The following ARHGAP32 variants were observed in gnomAD, a reference collection of about 807,000 sequenced individuals.
ARHGAP32 encodes the protein Rho GTPase activating protein 32.
Under a neutral mutation model 186.5 loss-of-function variants are expected in ARHGAP32, and 51 were observed. That is an observed-to-expected ratio of 0.27 (90% CI 0.22 to 0.35). The LOEUF is 0.35. Ranked by LOEUF, ARHGAP32 falls within the 10% of genes least tolerant of loss-of-function variation. ARHGAP32 has a pLI of 1.00. For synonymous variants in ARHGAP32, 950 were observed against 964.3 expected (o/e 0.99, Z 0.27); for missense variants, 2,186 against 2,623.5 (o/e 0.83, Z 3.64).
intron 10 of ARHGAP32, among the ~76,000 whole-genome samples, chr11:129,056,006 GA>G (rs1940238087): frequency 6.6e-6 from 1 of 152,150 alleles, no homozygotes. Flanking sequence ...GGTATGATTT[GA>G]GACTGTATTT....
At chr11:129,018,288 GA>G (rs1355980758) in intron 11 of ARHGAP32, among the ~76,000 whole-genome samples, 1 of 152,088 alleles carries the variant, frequency 6.6e-6, no homozygotes, top group East Asian at 1.9e-4. Context: ...AAACATATTA[GA>G]TGTGAACTTC....
At chr11:129,043,381 CT>C (rs1213682729) in intron 10 of ARHGAP32, among the ~76,000 whole-genome samples, 21,006 of 103,186 alleles carry the variant, frequency 0.2, 1,170 homozygotes, top group African/African-American at 0.3. Flanking sequence ...TTCTTTTTTT[CT>C]TTTTTTTTTT....
At chr11:129,265,235 A>G (rs1945380907) in intron 1 of ARHGAP32, among the ~76,000 whole-genome samples, 1 of 152,190 alleles carries the variant, frequency 6.6e-6, no homozygotes, top group Non-Finnish European at 1.5e-5. Context: ...TCATCACGGT[A>G]AAGAGCTAAA....
chr11:128,997,954 GT>G (rs11342342), intron 12 of ARHGAP32, among the ~76,000 whole-genome samples: 50,928 of 151,914 alleles, frequency 0.34, 8,740 homozygotes, highest in Non-Finnish European at 0.37. Flanking sequence ...AACTCTGACA[GT>G]TTTTTTTCCA....
chr11:129,040,859 G>T lies in ARHGAP32; in HGVS notation c.1045+69C>A. On this transcript the variant is annotated intron_variant, in intron 11 of 22. Transcript: ENST00000682385. ...AACTAGCAAAACAAGCTAAATACTT[G>T]ACTGACAGAAAATCTGTGTCTTCAA... 4 of 1,097,774 alleles carry T rather than the reference G, an allele frequency of 3.6e-6. No individual in the cohort carries two copies. The South Asian group carries it at 4.2e-5, about 11-fold the overall frequency. The allele number at this position is 1,097,774 out of a possible 1,614,324, so 68.0% of individuals were successfully genotyped here. A position where few individuals can be genotyped will look rare whatever the true frequency, so the allele number is the denominator to read the frequency against.
At chr11:128,988,617 T>C (rs973358546) in intron 12 of ARHGAP32, among the ~76,000 whole-genome samples, 1 of 152,230 alleles carries the variant, frequency 6.6e-6, no homozygotes, top group Non-Finnish European at 1.5e-5. Context: ...TTCTATATTT[T>C]CATAGTTAAT....
At chr11:129,056,698 C>T (rs1364041848) in intron 10 of ARHGAP32, among the ~76,000 whole-genome samples, 1 of 152,178 alleles carries the variant, frequency 6.6e-6, no homozygotes, top group African/African-American at 2.4e-5. Context: ...GTGACCTTGA[C>T]AAAAGAAAAC....
chr11:129,246,799 C>T (rs1945105152), intron 1 of ARHGAP32, among the ~76,000 whole-genome samples: 2 of 152,154 alleles, frequency 1.3e-5, no homozygotes, highest in African/African-American at 2.4e-5. Context: ...TCAATTATAA[C>T]ATTGGGGTGG....
chr11:129,063,819 TA>T, intron 9 of ARHGAP32, 82 bp downstream of exon 9: 1 of 1,387,006 alleles, frequency 7.2e-7, no homozygotes, highest in Non-Finnish European at 9.5e-7. Context: ...TTTTAAAAAT[TA>T]AGGAAATGGT....
chr11:129,135,667 T>A (rs1942920616), intron 2 of ARHGAP32, among the ~76,000 whole-genome samples: 1 of 152,060 alleles, frequency 6.6e-6, no homozygotes, highest in South Asian at 2.1e-4. Flanking sequence ...CTCAGGAGGC[T>A]GAGGCAGGAG....
intron 1 of ARHGAP32, among the ~76,000 whole-genome samples, chr11:129,204,471 A>C (rs1333367201): frequency 6.6e-6 from 1 of 152,192 alleles, no homozygotes; most frequent in South Asian, 2.1e-4. Flanking sequence ...GAAAAGCTCA[A>C]GGTATTGCAC....
At chr11:129,202,002 CTG>C (rs1466280795) in intron 1 of ARHGAP32, among the ~76,000 whole-genome samples, 1 of 151,740 alleles carries the variant, frequency 6.6e-6, no homozygotes, top group African/African-American at 2.4e-5. Context: ...GTCTGTCTGT[CTG>C]TGTCTCTATT....
intron 1 of ARHGAP32, among the ~76,000 whole-genome samples, chr11:129,206,803 G>A (rs1944520499): frequency 1.3e-5 from 2 of 151,156 alleles, no homozygotes; most frequent in East Asian, 3.9e-4. Context: ...TGTGCAGAAC[G>A]TGTAGGTTTG....
chr11:129,047,129 C>CAA (rs370486338), intron 10 of ARHGAP32, among the ~76,000 whole-genome samples: 167 of 127,206 alleles, frequency 1.3e-3, no homozygotes, highest in African/African-American at 2.2e-3. Context: ...GACTCCGTCT[C>CAA]AAAAAAAAAA....
At chr11:129,127,589 TA>T (rs1470258427) in intron 2 of ARHGAP32, among the ~76,000 whole-genome samples, 1 of 116,848 alleles carries the variant, frequency 8.6e-6, no homozygotes, top group African/African-American at 3.9e-5. Flanking sequence ...AATACTGTAC[TA>T]TTATTCAATC....
At chr11:129,144,118 A>G (rs1341394221) in intron 2 of ARHGAP32, among the ~76,000 whole-genome samples, 1 of 152,238 alleles carries the variant, frequency 6.6e-6, no homozygotes, top group East Asian at 1.9e-4. Context: ...ATGTGTGAAT[A>G]TCCGCAAAAG....
intron 6 of ARHGAP32, among the ~76,000 whole-genome samples, chr11:129,089,081 T>C (rs1289168699): frequency 6.6e-6 from 1 of 151,326 alleles, no homozygotes; most frequent in African/African-American, 2.4e-5. Context: ...AAATCAACAA[T>C]TCTTGATAAG....
intron 1 of ARHGAP32, among the ~76,000 whole-genome samples, chr11:129,268,896 T>C (rs1405514931): frequency 6.6e-6 from 1 of 152,138 alleles, no homozygotes; most frequent in African/African-American, 2.4e-5. Flanking sequence ...CAAATGTTTA[T>C]TAAGTAGGAA....
At chr11:129,161,690 T>A (rs1396060547) in intron 2 of ARHGAP32, among the ~76,000 whole-genome samples, 1 of 152,194 alleles carries the variant, frequency 6.6e-6, no homozygotes, top group Non-Finnish European at 1.5e-5. Context: ...ACTTTTACAC[T>A]GTTGGTGGGA....
Sources: gnomAD v4.1 joint callset for allele counts (sites outside exome capture counted in the v4.1 genomes callset) on GRCh38, gnomAD v4.1.1 for gene constraint, MANE v1.5 for transcripts, NCBI Gene and HGNC (gene_info 2026-07-23, HGNC 2026-07-21) for gene names.